CLUH: variants seen among roughly 807,000 people sequenced by gnomAD.
CLUH encodes CLUH binding protein of NUMT mRNA, also known as clustered mitochondria protein homolog.
Under a neutral mutation model 139.3 loss-of-function variants are expected in CLUH, and 77 were observed. The ratio of observed to expected loss-of-function variants is 0.55; its 90% CI spans 0.46 to 0.67. The LOEUF is 0.67. Ranked by LOEUF, CLUH falls within the 30% of genes least tolerant of loss-of-function variation. The pLI, the probability that CLUH is intolerant of heterozygous loss-of-function variation, is 0.00. For synonymous variants in CLUH, 999 were observed against 801.6 expected, an observed-to-expected ratio of 1.25 and a Z score of -4.16; for missense variants, 1,876 against 1,875.8, an observed-to-expected ratio of 1.00 and a Z score of 0.00.
chr17:2,702,106 G>C (rs1325072949), intron 3 of CLUH, 49 bp from the exon 4 acceptor site: 2 of 1,594,380 alleles, frequency 1.3e-6, no homozygotes, highest in African/African-American at 1.3e-5. Flanking sequence ...CCTGCACCCT[G>C]AACAACCTGC....
chr17:2,695,741 G>A (rs1185648132), intron 13 of CLUH: 8 of 655,666 alleles, frequency 1.2e-5, no homozygotes, highest in Admixed American at 3.1e-5. Flanking sequence ...TAACCATGTG[G>A]GAGAAGCAGA....
chr17:2,696,965 G>T, intron 10 of CLUH, 23 bp from the exon 11 acceptor site: 1 of 1,506,708 alleles, frequency 6.6e-7, no homozygotes, highest in South Asian at 1.3e-5. Flanking sequence ...AAACAGGGCA[G>T]AGCAGGAGCT....
Position 2,703,266 on chromosome 17 carries a change from C to G in CLUH, c.475+52G>C. On this transcript the variant is annotated intron_variant, in intron 3 of 25. Transcript: ENST00000651024. The surrounding 1 kb of genome is among the most constrained non-coding windows in gnomAD (Gnocchi z 4.2). ...CCCTGGCATGGATGGTGCTGCCTGC[C>G]TCTGCCTCCGTGGGCCCTCCCCCGG... The G allele has an allele frequency of 1.3e-6, 2 of 1,554,282 alleles. No homozygotes were observed. Among genetic ancestry groups the G allele is most frequent in the South Asian group, 2.4e-5 (2 of 84,618 alleles).
chr17:2,697,420 A>C (rs1271490903), intron 10 of CLUH, among the ~76,000 whole-genome samples: 1 of 149,952 alleles, frequency 6.7e-6, no homozygotes. Context: ...AAAAAAAGGC[A>C]GCTGCGTTCT....
chr17:2,704,469 C>T lies in CLUH; in HGVS notation c.196G>A (p.Glu66Lys), dbSNP rs1051504426. ...AEPPRENGLD[E>K]AGPGDETTGQ... Reference sequence around the variant, plus strand: ...GTGGTCTCATCTCCCGGGCCGGCCTCGTCAAGCCCATTTTCCCTGGGTGGC... The same window carrying T: ...GTGGTCTCATCTCCCGGGCCGGCCTTGTCAAGCCCATTTTCCCTGGGTGGC... The change falls in exon 2 of 26, where the codon GAG becomes AAG. Residue 66 changes from glutamate to lysine, a missense_variant. Glu to Lys is a moderately conservative substitution (Grantham distance 56). This residue lies in a region of CLUH where 152 missense variants were observed against 136.7 expected (regional missense o/e 1.11). Transcript: ENST00000651024. The surrounding 1 kb of genome is among the most constrained non-coding windows in gnomAD (Gnocchi z 5.7). The T allele has an allele frequency of 1.6e-5, 25 of 1,599,130 alleles. No homozygotes were observed. The highest frequency in any genetic ancestry group is 1.6e-4 in the Middle Eastern group (1 of 6,072).
rs561397560 is a variant in CLUH at position 2,707,429 on chromosome 17, G to A, written c.101-2865C>T. 194 of 985,414 alleles carry A rather than the reference G, an allele frequency of 2.0e-4. No individual in the cohort carries two copies. In the East Asian group the frequency reaches 7.4e-3, roughly 37 times the overall value. The allele number at this position is 985,414 out of a possible 1,614,324, so 61.0% of individuals were successfully genotyped here. On this transcript the variant is annotated intron_variant, in intron 1 of 25. Transcript: ENST00000651024. This position sits in a 1 kb window ranked among gnomAD's most constrained non-coding sequence, Gnocchi z 7.4. ...CCTGCCTGGCATCCCGCTCAAGGTC[G>A]GCCAGAAGGACGGCTGTGGGCCAGG...
At chr17:2,691,979 C>CGGCCCCGCCCCCG in intron 23 of CLUH, 25 bp downstream of exon 23, 1 of 709,432 alleles carries the variant, frequency 1.4e-6, no homozygotes, top group Non-Finnish European at 1.7e-6. Context: ...CCCGCCCCCG[C>CGGCCCCGCCCCCG]CCCCGCCACG....
chr17:2,692,089 A>T lies in CLUH; in HGVS notation c.3569T>A (p.Leu1190His), dbSNP rs2069707982. 1.9e-6 allele frequency: 3 copies of T among 1,601,498 alleles called. No homozygotes were observed. The highest frequency in any genetic ancestry group is 2.6e-6 in the Non-Finnish European group (3 of 1,175,060). Residue 1190 changes from leucine to histidine, a missense_variant, in exon 23 of 26, where the codon CTT (leucine) becomes CAT (histidine). By Grantham distance (99) the Leu-to-His change is moderately conservative. Around this residue, in one of 3 missense-constraint regions of CLUH, gnomAD observed 1,454 missense variants for 1,384.4 expected, o/e 1.05. Coordinates refer to ENST00000651024, the MANE Select transcript of CLUH (RefSeq NM_001366661.1). ...TTTGCTCTCGTAGACTCGGGCGACA[A>T]GGTGGTGGCTGCCGGGAGGCGCGGC... is the stretch of plus-strand genomic sequence containing the variant. Reference protein sequence around the residue: ...KALKVALSHHLVARVYESKAE... With the variant: ...KALKVALSHHHVARVYESKAE...
At chr17:2,691,962 C>CGG (rs2069681052) in intron 23 of CLUH, 42 bp downstream of exon 23, 8 of 672,656 alleles carry the variant, frequency 1.2e-5, no homozygotes, top group East Asian at 8.1e-5. Flanking sequence ...CCCCGCCACG[C>CGG]CCCCGCCCCG....
Position 2,706,143 on chromosome 17 carries a change from C to T in CLUH, c.101-1579G>A, listed in dbSNP as rs1389475425. 6.6e-6 allele frequency among the ~76,000 whole-genome samples: 1 copy of T among 152,160 alleles called. No individual in the cohort carries two copies. The highest frequency in any genetic ancestry group is 1.5e-5 in the Non-Finnish European group (1 of 68,022). On this transcript the variant is annotated intron_variant, in intron 1 of 25. Transcript: ENST00000651024. This position sits in a 1 kb window ranked among gnomAD's most constrained non-coding sequence, Gnocchi z 4.6. ...CCCACCCGGCTCTCAGGAGCGGGGA[C>T]AGGTGCCTTTCCCAGAACTGTGTGG...
At chr17:2,694,387 C>A in intron 17 of CLUH, 93 bp downstream of exon 17, 1 of 1,518,688 alleles carries the variant, frequency 6.6e-7, no homozygotes, top group South Asian at 1.2e-5. Flanking sequence ...AAAGCCACTT[C>A]CCCTGTGGCC....
Position 2,696,799 on chromosome 17 carries a change from C to G in CLUH, c.2105G>C (p.Ser702Thr). Residue 702 changes from serine (S) to threonine (T), a missense_variant, in exon 11 of 26, where the codon AGT becomes ACT. Transcript: ENST00000651024. ...SEDPPGQEAG[S>T]EEEGSSASGL... ...GCTGGCGCTGCTACCCTCCTCCTCACTTCCCGCCTCCTGTCCTGGAGGATC... is the reference window on the plus strand; with the variant it reads ...GCTGGCGCTGCTACCCTCCTCCTCAGTTCCCGCCTCCTGTCCTGGAGGATC... 6.2e-7 allele frequency: 1 copy of G among 1,613,332 alleles called. No homozygotes were observed.
chr17:2,691,907 C>A lies in CLUH; in HGVS notation c.3655-12G>T, dbSNP rs367729287. Reference sequence around the variant, plus strand: ...TGGTCCTCGCCCAGCTGCGGGGAGGCGGGAAGGGATCAGGCCCCCCCGTGC... The same window carrying A: ...TGGTCCTCGCCCAGCTGCGGGGAGGAGGGAAGGGATCAGGCCCCCCCGTGC... On this transcript the variant is annotated splice_polypyrimidine_tract_variant and intron_variant, in intron 23 of 25. Transcript: ENST00000651024. 10 of 1,507,976 alleles carry A rather than the reference C, an allele frequency of 6.6e-6. No homozygotes were observed. Among genetic ancestry groups the A allele is most frequent in the Non-Finnish European group, 8.8e-6 (10 of 1,130,956 alleles). The allele number at this position is 1,507,976 out of a possible 1,614,324, so 93.4% of individuals were successfully genotyped here. A position where few individuals can be genotyped will look rare whatever the true frequency, so the allele number is the denominator to read the frequency against.
rs948916591 is a variant in CLUH at position 2,692,588 on chromosome 17, C to T, written c.3421G>A (p.Glu1141Lys). The change falls in exon 21 of 26, where the codon GAG becomes AAG. Residue 1141 changes from glutamate to lysine, a missense_variant. Physicochemically the swap from Glu to Lys is moderately conservative, Grantham distance 56. Coordinates refer to ENST00000651024, the MANE Select transcript of CLUH (RefSeq NM_001366661.1). ...MLLVFGEDHP[E>K]MALLDNNIGL... ...GCACTCACGTCCAGCAGCGCCATCTCGGGGTGGTCTTCCCCGAACACCAGC... is the reference window on the plus strand; with the variant it reads ...GCACTCACGTCCAGCAGCGCCATCTTGGGGTGGTCTTCCCCGAACACCAGC... 2.5e-6 allele frequency: 4 copies of T among 1,612,284 alleles called. No individual in the cohort carries two copies. Among genetic ancestry groups the T allele is most frequent in the Admixed American group, 3.3e-5 (2 of 59,976 alleles).
intron 9 of CLUH, 108 bp from the exon 10 acceptor site, chr17:2,698,698 GAAAC>G: frequency 2.0e-6 from 2 of 1,007,480 alleles, no homozygotes; most frequent in Non-Finnish European, 2.8e-6. Context: ...GCCTGCCTTG[GAAAC>G]CCAAGGACCC....
chr17:2,696,318 C>G (rs2302200), intron 12 of CLUH, 59 bp from the exon 13 acceptor site: 1,138,912 of 1,512,256 alleles, frequency 0.75, 431,221 homozygotes, highest in East Asian at 0.91. Context: ...TGCCGCCTGG[C>G]GCTGGCGGGG....
At position 2,701,935 on chromosome 17, in the gene CLUH, A is replaced by G. The variant is rs1194496270; in HGVS notation, c.598T>C (p.Phe200Leu). ...DCNSLSFLSV[F>L]TDGDLGDSGK... ...GCACCTCCCAGGTCGCCGTCGGTGA[A>G]GACACTCAGGAAGGACAAGGAGTTG... The change falls in exon 4 of 26, where the codon TTC (phenylalanine) becomes CTC (leucine). Residue 200 changes from phenylalanine (F) to leucine (L), a missense_variant. Physicochemically the swap from Phe to Leu is conservative, Grantham distance 22 (BLOSUM62 0). Transcript: ENST00000651024. 1 of 1,613,908 alleles carries G rather than the reference A, an allele frequency of 6.2e-7. No homozygotes were observed. Among genetic ancestry groups the G allele is most frequent in the East Asian group, 2.2e-5 (1 of 44,884 alleles).
chr17:2,693,139 T>TA (rs1475140289), intron 19 of CLUH, among the ~76,000 whole-genome samples: 1 of 2,314 alleles, frequency 4.3e-4, no homozygotes, highest in African/African-American at 1.3e-3. Flanking sequence ...CTAAAAATGT[T>TA]ACAAAAAAAA....
At chr17:2,708,754 C>T (rs886086197) in intron 1 of CLUH, among the ~76,000 whole-genome samples, 1 of 151,988 alleles carries the variant, frequency 6.6e-6, no homozygotes, top group African/African-American at 2.4e-5. Flanking sequence ...CCCGCTCCCA[C>T]TGACCCACTC....
Sources: gnomAD v4.1 joint callset for allele counts (sites outside exome capture counted in the v4.1 genomes callset) on GRCh38, gnomAD v4.1.1 for gene constraint, gnomAD v4.1.1 regional missense constraint, Gnocchi (gnomAD v3.1) non-coding constraint, MANE v1.5 for transcripts, NCBI Gene and HGNC (gene_info 2026-07-23, HGNC 2026-07-21) for gene names.